CLIC6: variants seen among roughly 807,000 people sequenced by gnomAD.
CLIC6 encodes chloride intracellular channel protein 6.
In CLIC6, 39 loss-of-function variants were observed where a neutral mutation model predicts 49.2. The ratio of observed to expected loss-of-function variants is 0.79; its 90% CI spans 0.61 to 1.04. The LOEUF is 1.04. Ranked by LOEUF, CLIC6 falls within the 50% of genes least tolerant of loss-of-function variation. The probability of loss-of-function intolerance (pLI) is 0.00; values close to 1 mark genes in which losing one functional copy is unlikely to be tolerated. For synonymous variants in CLIC6, 446 were observed against 433.4 expected, an observed-to-expected ratio of 1.03 and a Z score of -0.36; for missense variants, 988 against 993.1, an observed-to-expected ratio of 0.99 and a Z score of 0.07.
Position 34,670,400 on chromosome 21 carries a change from G to A in CLIC6, c.1012G>A (p.Gly338Arg). 6.9e-7 allele frequency: 1 copy of A among 1,456,898 alleles called. No individual in the cohort carries two copies. 90.2% of individuals were successfully genotyped at this position (1,456,898 alleles called of 1,614,324 possible). The change falls in exon 1 of 6, where the codon GGG (glycine) becomes AGG (arginine). Residue 338 changes from glycine to arginine, a missense_variant. Coordinates refer to ENST00000349499, the MANE Select transcript of CLIC6 (RefSeq NM_053277.3). ...WDAAEEAEVPGVKGSEEAAPG... is the reference protein window; with the variant it reads ...WDAAEEAEVPRVKGSEEAAPG... The stretch of plus-strand genomic sequence containing the variant: ...CGCAGCGGAGGAGGCGGAGGTCCCG[G>A]GGGTAAAGGGGTCCGAAGAAGCGGC...
chr21:34,704,826 T>C (rs1461675504), intron 1 of CLIC6, among the ~76,000 whole-genome samples: 1 of 152,150 alleles, frequency 6.6e-6, no homozygotes, highest in Admixed American at 6.6e-5. Flanking sequence ...ATCACTAACT[T>C]GAGTTTGAGA....
In CLIC6 at chr21:34,716,382, A is replaced by G. The variant is rs745738330; in HGVS notation, c.1961A>G (p.Tyr654Cys). 6.2e-7 allele frequency: 1 copy of G among 1,613,876 alleles called. No individual in the cohort carries two copies. The highest frequency in any genetic ancestry group is 2.2e-5 in the East Asian group (1 of 44,884). ...TCTGAAATGACTGGCATCTGGAGAT[A>G]CTTGAATAATGCTTATGCTAGAGAT... ...FPSEMTGIWR[Y>C]LNNAYARDEF... Residue 654 changes from tyrosine to cysteine, a missense_variant, in exon 6 of 6, where the codon TAC (tyrosine) becomes TGC (cysteine). Coordinates refer to ENST00000349499, the MANE Select transcript of CLIC6 (RefSeq NM_053277.3).
At chr21:34,699,225 A>G (rs73359068) in intron 1 of CLIC6, among the ~76,000 whole-genome samples, 2,230 of 152,224 alleles carry the variant, frequency 0.015, 59 homozygotes, top group African/African-American at 0.05. Context: ...GTAGGTAGTC[A>G]GTGAATGGTA....
intron 1 of CLIC6, among the ~76,000 whole-genome samples, chr21:34,690,001 C>T (rs1184704142): frequency 7.9e-5 from 12 of 152,212 alleles, no homozygotes; most frequent in Admixed American, 7.9e-4. Context: ...AGACAAGTTT[C>T]TTCTCCTTTA....
intron 1 of CLIC6, among the ~76,000 whole-genome samples, chr21:34,673,603 C>A (rs1220437288): frequency 6.6e-6 from 1 of 152,174 alleles, no homozygotes; most frequent in Non-Finnish European, 1.5e-5. Flanking sequence ...GATTTGTTAA[C>A]TTCTGAGGGG....
chr21:34,697,789 G>C (rs1990113697), intron 1 of CLIC6, among the ~76,000 whole-genome samples: 1 of 152,200 alleles, frequency 6.6e-6, no homozygotes, highest in Non-Finnish European at 1.5e-5. Context: ...GCAAGCTGGG[G>C]AGACATTTGG....
intron 1 of CLIC6, among the ~76,000 whole-genome samples, chr21:34,681,335 C>G (rs1040152143): frequency 1.4e-4 from 21 of 152,204 alleles, no homozygotes; most frequent in African/African-American, 4.8e-4. Context: ...TCTATTTGAT[C>G]CTGCCCTTTA....
At chr21:34,695,005 A>G (rs942162044) in intron 1 of CLIC6, among the ~76,000 whole-genome samples, 4 of 152,252 alleles carry the variant, frequency 2.6e-5, no homozygotes, top group Non-Finnish European at 5.9e-5. Context: ...TTCATTTTCT[A>G]TCATTGCCAT....
intron 5 of CLIC6, among the ~76,000 whole-genome samples, chr21:34,713,136 G>A (rs1036914221): frequency 6.6e-6 from 1 of 152,072 alleles, no homozygotes; most frequent in South Asian, 2.1e-4. Context: ...AGAGTTGATT[G>A]AAAAGAAGGG....
intron 1 of CLIC6, among the ~76,000 whole-genome samples, chr21:34,702,259 C>A (rs16992167): frequency 0.16 from 23,734 of 152,164 alleles, 1,983 homozygotes; most frequent in African/African-American, 0.21. Flanking sequence ...CAATGGAAGA[C>A]CCAATAGGGC....
chr21:34,705,409 G>A (rs1007412594), intron 1 of CLIC6, among the ~76,000 whole-genome samples: 1 of 152,176 alleles, frequency 6.6e-6, no homozygotes, highest in African/African-American at 2.4e-5. Context: ...GTGGGGAACA[G>A]CCTCAGGTGG....
Position 34,689,568 on chromosome 21 carries a change from C to T in CLIC6, c.1375-17712C>T, listed in dbSNP as rs530401429. Among the ~76,000 whole-genome samples, 49 of 151,060 alleles carry T rather than the reference C, an allele frequency of 3.2e-4. 2 individuals carry two copies. In the South Asian group the frequency reaches 9.8e-3, roughly 30 times the overall value. On this transcript the variant is annotated intron_variant, in intron 1 of 5. Coordinates refer to ENST00000349499, the MANE Select transcript of CLIC6 (RefSeq NM_053277.3). ...ATATAGAAGGTGCTCTAACAAGTGT[C>T]TCGTTTGGTGAGTTAAGGGATCTGA...
chr21:34,700,741 C>T (rs1452856120), intron 1 of CLIC6, among the ~76,000 whole-genome samples: 2 of 139,518 alleles, frequency 1.4e-5, no homozygotes, highest in African/African-American at 2.9e-5. Context: ...TAACACCGAC[C>T]CCAACAGTCA....
At chr21:34,708,099 T>G in intron 3 of CLIC6, 30 bp downstream of exon 3, 2 of 1,613,386 alleles carry the variant, frequency 1.2e-6, no homozygotes, top group South Asian at 1.1e-5. Context: ...TGTTCATAAC[T>G]TGATTGTCAC....
chr21:34,716,862 T>TCTCTCTCTCTCTCTCTCTCTCTCTCACA lies in CLIC6; in HGVS notation c.*381_*382insTCTCTCTCTCTCTCTCTCTCTCTCACAC. The TCTCTCTCTCTCTCTCTCTCTCTCTCACA allele has an allele frequency of 3.0e-5, 4 of 131,632 alleles. No homozygotes were observed. Among genetic ancestry groups the TCTCTCTCTCTCTCTCTCTCTCTCTCACA allele is most frequent in the African/African-American group, 1.3e-4 (4 of 31,212 alleles). The allele number at this position is 131,632 out of a possible 1,614,324, so 8.2% of individuals were successfully genotyped here. On this transcript the variant is annotated 3_prime_UTR_variant, in exon 6 of 6. Coordinates refer to ENST00000349499, the MANE Select transcript of CLIC6 (RefSeq NM_053277.3). ...CTCTCTCTCTCTCTCTCTCTCTCTA[T>TCTCTCTCTCTCTCTCTCTCTCTCTCACA]CACACACACACACACACACACACAC...
intron 1 of CLIC6, among the ~76,000 whole-genome samples, chr21:34,672,730 C>A (rs911494838): frequency 1.3e-5 from 2 of 152,194 alleles, no homozygotes; most frequent in Non-Finnish European, 2.9e-5. Flanking sequence ...GCCAGTGGGT[C>A]TGGGATCAAA....
chr21:34,714,400 A>T (rs1048078155), intron 5 of CLIC6, among the ~76,000 whole-genome samples: 2 of 152,158 alleles, frequency 1.3e-5, no homozygotes, highest in African/African-American at 4.8e-5. Flanking sequence ...AAAATTAGTA[A>T]ATCAAGGCCG....
chr21:34,670,521 C>A lies in CLIC6; in HGVS notation c.1133C>A (p.Pro378Gln), dbSNP rs775957352. 1.3e-6 allele frequency: 2 copies of A among 1,496,196 alleles called. No homozygotes were observed. The highest frequency in any genetic ancestry group is 4.7e-5 in the Admixed American group (2 of 42,318). 92.7% of individuals were successfully genotyped at this position (1,496,196 alleles called of 1,614,324 possible). A position where few individuals can be genotyped will look rare whatever the true frequency, so the allele number is the denominator to read the frequency against. Residue 378 changes from proline to glutamine, a missense_variant, in exon 1 of 6, where the codon CCG (proline) becomes CAG (glutamine). By Grantham distance (76) the Pro-to-Gln change is moderately conservative. This residue lies in a region of CLIC6 where 647 missense variants were observed against 596.9 expected (regional missense o/e 1.08). Coordinates refer to ENST00000349499, the MANE Select transcript of CLIC6 (RefSeq NM_053277.3). ...GEDEERRERSPEGPREEEAAG... is the reference protein window; with the variant it reads ...GEDEERRERSQEGPREEEAAG... Reference sequence around the variant, plus strand: ...GACGAAGAGAGACGAGAGCGGAGCCCGGAGGGGCCAAGGGAGGAGGAAGCA... The same window carrying A: ...GACGAAGAGAGACGAGAGCGGAGCCAGGAGGGGCCAAGGGAGGAGGAAGCA...
intron 1 of CLIC6, among the ~76,000 whole-genome samples, chr21:34,701,067 C>G (rs1414840269): frequency 7.2e-6 from 1 of 139,402 alleles, no homozygotes; most frequent in Non-Finnish European, 1.6e-5. Context: ...ATCAGTGAGG[C>G]CGAGGCGGGT....
Sources: gnomAD v4.1 joint callset for allele counts (sites outside exome capture counted in the v4.1 genomes callset) on GRCh38, gnomAD v4.1.1 for gene constraint, gnomAD v4.1.1 regional missense constraint, MANE v1.5 for transcripts, NCBI Gene and HGNC (gene_info 2026-07-23, HGNC 2026-07-21) for gene names.